The following WWP1 variants were observed in gnomAD, a reference collection of about 807,000 sequenced individuals.
The protein encoded by WWP1 is WW domain containing E3 ubiquitin protein ligase 1, also known as NEDD4-like E3 ubiquitin-protein ligase WWP1.
A neutral mutation model predicts 130.6 loss-of-function variants in WWP1; 49 were observed. The ratio of observed to expected loss-of-function variants is 0.38; its 90% CI spans 0.30 to 0.48. The LOEUF (loss-of-function observed/expected upper bound fraction) is 0.48, where lower values mean the gene tolerates loss of function less well. Ranked by LOEUF, WWP1 falls within the 20% of genes least tolerant of loss-of-function variation. The pLI is 0.99. For missense variants in WWP1, 809 were observed against 1,100.6 expected (o/e 0.74, Z 3.75); for synonymous variants, 332 against 367.8 (o/e 0.90, Z 1.11).
At chr8:86,440,620 T>C (rs1449688133) in intron 17 of WWP1, 1 of 443,090 alleles carries the variant, frequency 2.3e-6, no homozygotes, top group South Asian at 1.6e-5. Context: ...TTGTATCTTT[T>C]TTTAGGAATA....
At chr8:86,419,188 G>GGCAC (rs1809057564) in intron 9 of WWP1, among the ~76,000 whole-genome samples, 1 of 152,170 alleles carries the variant, frequency 6.6e-6, no homozygotes, top group Non-Finnish European at 1.5e-5. Flanking sequence ...GGGAGGCCTG[G>GGCAC]GCACGCAGAT....
At chr8:86,383,612 C>T (rs916170289) in intron 5 of WWP1, among the ~76,000 whole-genome samples, 4 of 151,998 alleles carry the variant, frequency 2.6e-5, no homozygotes, top group Admixed American at 6.6e-5. Flanking sequence ...TGTGGTGGCA[C>T]GTGCCTGTAA....
chr8:86,401,215 A>G (rs918746570), intron 7 of WWP1, among the ~76,000 whole-genome samples: 1 of 151,924 alleles, frequency 6.6e-6, no homozygotes, highest in African/African-American at 2.4e-5. Context: ...GCTAATTTGT[A>G]ACTAATATTT....
At chr8:86,426,506 T>A (rs1431274590) in intron 10 of WWP1, among the ~76,000 whole-genome samples, 1 of 152,068 alleles carries the variant, frequency 6.6e-6, no homozygotes, top group African/African-American at 2.4e-5. Context: ...GAATTCTGGT[T>A]GGTAGAGAAA....
intron 5 of WWP1, 25 bp from the exon 6 acceptor site, chr8:86,398,317 T>C (rs756098401): frequency 1.9e-6 from 3 of 1,556,218 alleles, no homozygotes; most frequent in Non-Finnish European, 2.6e-6. Flanking sequence ...CAAAAGCTTT[T>C]AAATTAGAAT....
chr8:86,426,161 T>C (rs889080175), intron 10 of WWP1, among the ~76,000 whole-genome samples: 1 of 152,202 alleles, frequency 6.6e-6, no homozygotes, highest in African/African-American at 2.4e-5. Context: ...GGTGCCGATA[T>C]TGCAATATAG....
At chr8:86,379,378 G>A (rs1824856230) in intron 3 of WWP1, among the ~76,000 whole-genome samples, 1 of 152,114 alleles carries the variant, frequency 6.6e-6, no homozygotes, top group Non-Finnish European at 1.5e-5. Flanking sequence ...GTATTTCAGT[G>A]ATTTATTTGT....
intron 2 of WWP1, among the ~76,000 whole-genome samples, chr8:86,373,553 C>T (rs1010630908): frequency 3.9e-5 from 6 of 152,084 alleles, no homozygotes; most frequent in Admixed American, 1.3e-4. Context: ...GACAGAGTCT[C>T]GCTCTGTTGC....
intron 2 of WWP1, among the ~76,000 whole-genome samples, chr8:86,373,632 C>T (rs960910001): frequency 6.6e-6 from 1 of 152,104 alleles, no homozygotes; most frequent in East Asian, 1.9e-4. Context: ...GGTTGCTCTT[C>T]GTCTTAGGTA....
chr8:86,345,240 C>CAA (rs1465179704), intron 1 of WWP1, among the ~76,000 whole-genome samples: 2 of 152,144 alleles, frequency 1.3e-5, no homozygotes, highest in African/African-American at 4.8e-5. Context: ...TGAAGCTTTA[C>CAA]CCTCAGCATA....
chr8:86,438,586 T>C lies in WWP1; in HGVS notation c.1751T>C (p.Ile584Thr), dbSNP rs1810423203. The change falls in exon 17 of 25, where the codon ATT (isoleucine) becomes ACT (threonine). Residue 584 changes from isoleucine to threonine, a missense_variant and splice_region_variant. Coordinates refer to ENST00000517970, the MANE Select transcript of WWP1 (RefSeq NM_007013.4). ...ATTCATGTTTTTGTTTTTAATTAGA[T>C]TATGGCATTAAAACCCTATGACTTG... ...QTLFEDSFQQIMALKPYDLRR... is the reference protein window; with the variant it reads ...QTLFEDSFQQTMALKPYDLRR... The C allele has an allele frequency of 6.3e-7, 1 of 1,595,820 alleles. No homozygotes were observed. Among genetic ancestry groups the C allele is most frequent in the African/African-American group, 1.4e-5 (1 of 73,776 alleles).
rs377083766 is a variant in WWP1, at chr8:86,411,826, C to G, written c.1013C>G (p.Pro338Arg). 54 of 1,613,674 alleles carry G rather than the reference C, an allele frequency of 3.3e-5. No homozygotes were observed. Among genetic ancestry groups the G allele is most frequent in the Non-Finnish European group, 4.5e-5 (53 of 1,179,742 alleles). ...AGACAGCCAGATGGGTGTATGGATC[C>G]TGTACGGCAGCAGTCTGGGAATGCC... ...KSRQPDGCMD[P>R]VRQQSGNANT... is the part of the protein sequence containing the mutation. Residue 338 changes from proline to arginine, a missense_variant, in exon 9 of 25, where the codon CCT (proline) becomes CGT (arginine). By Grantham distance (103) the Pro-to-Arg change is moderately radical (BLOSUM62 -2). Transcript: ENST00000517970.
Position 86,445,976 on chromosome 8 carries a change from C to CTTTTTTT in WWP1, c.1999-2156_1999-2150dup, listed in dbSNP as rs56731329. On this transcript the variant is annotated intron_variant, in intron 18 of 24. Coordinates refer to ENST00000517970, the MANE Select transcript of WWP1 (RefSeq NM_007013.4). Reference sequence around the variant, plus strand: ...CTTTTCTTTTCTTTTCTTTTCTTTTCTTTTTTTTTTTTTTTTTTTTTTGAG... The same window carrying CTTTTTTT: ...CTTTTCTTTTCTTTTCTTTTCTTTTCTTTTTTTTTTTTTTTTTTTTTTTTTTTTTGAG... Among the ~76,000 whole-genome samples, 41 of 84,960 alleles carry CTTTTTTT rather than the reference C, an allele frequency of 4.8e-4. 2 individuals are homozygous for CTTTTTTT. The highest frequency in any genetic ancestry group is 1.4e-3 in the South Asian group (3 of 2,080). The allele number at this position is 84,960 out of a possible 152,430, so 55.7% of individuals were successfully genotyped here.
At chr8:86,399,362 A>C (rs775665283) in intron 7 of WWP1, among the ~76,000 whole-genome samples, 1 of 152,214 alleles carries the variant, frequency 6.6e-6, no homozygotes. Flanking sequence ...TTCACAGTTC[A>C]TGACAATTAA....
At chr8:86,375,239 C>T (rs1033637561) in intron 3 of WWP1, among the ~76,000 whole-genome samples, 6 of 151,896 alleles carry the variant, frequency 4.0e-5, no homozygotes, top group Admixed American at 6.6e-5. Flanking sequence ...TTTTAATGTA[C>T]TTTAGTAATT....
chr8:86,397,665 A>G (rs975079833), intron 5 of WWP1, among the ~76,000 whole-genome samples: 2 of 152,212 alleles, frequency 1.3e-5, no homozygotes, highest in Non-Finnish European at 2.9e-5. Flanking sequence ...CGTTTAATGC[A>G]TAGTCTAAAT....
At chr8:86,466,445 G>C (rs1461473631) in intron 24 of WWP1, among the ~76,000 whole-genome samples, 1 of 151,878 alleles carries the variant, frequency 6.6e-6, no homozygotes, top group African/African-American at 2.4e-5. Context: ...TGATGAATGA[G>C]TGACTGAGTG....
intron 5 of WWP1, among the ~76,000 whole-genome samples, chr8:86,390,530 CA>C (rs1013700776): frequency 1.3e-5 from 2 of 152,080 alleles, no homozygotes; most frequent in African/African-American, 4.8e-5. Context: ...CCGTCTCCAC[CA>C]AAAAATACAA....
chr8:86,358,431 TATTA>T (rs969183965), intron 1 of WWP1, among the ~76,000 whole-genome samples: 5 of 152,298 alleles, frequency 3.3e-5, no homozygotes, highest in African/African-American at 7.2e-5. Context: ...TATGTTGTTT[TATTA>T]ATTGTGTATC....
Sources: allele counts gnomAD v4.1 joint callset (sites outside exome capture counted in the v4.1 genomes callset), GRCh38; gene constraint gnomAD v4.1.1; transcripts MANE v1.5; gene names NCBI Gene and HGNC (gene_info 2026-07-23, HGNC 2026-07-21).